The following ITGBL1 variants were observed in gnomAD, a reference collection of about 807,000 sequenced individuals.
The protein encoded by ITGBL1 is integrin subunit beta like 1.
Under a neutral mutation model 68.5 loss-of-function variants are expected in ITGBL1, and 51 were observed. The observed-to-expected ratio is 0.74, with a 90% CI of 0.59 to 0.94. The LOEUF (loss-of-function observed/expected upper bound fraction) is 0.94, where lower values mean the gene tolerates loss of function less well. ITGBL1 is among the 40% of genes least tolerant of loss of function. The pLI is 0.00. For missense variants in ITGBL1, 649 were observed against 647.4 expected (o/e 1.00, Z -0.03); for synonymous variants, 209 against 227.3 (o/e 0.92, Z 0.72).
At chr13:101,647,790 A>G (rs16959232) in intron 7 of ITGBL1, among the ~76,000 whole-genome samples, 5,345 of 152,282 alleles carry the variant, frequency 0.035, 221 homozygotes, top group African/African-American at 0.096. Context: ...GAGGTGCGAA[A>G]AAGGGAGCCA....
At chr13:101,686,715 C>T (rs945706080) in intron 7 of ITGBL1, among the ~76,000 whole-genome samples, 6 of 140,038 alleles carry the variant, frequency 4.3e-5, no homozygotes, top group South Asian at 2.3e-4. Flanking sequence ...TACTAGTGGG[C>T]GAGGGTGCTG....
chr13:101,630,460 T>C (rs756502774), intron 7 of ITGBL1, among the ~76,000 whole-genome samples: 10 of 152,144 alleles, frequency 6.6e-5, no homozygotes, highest in South Asian at 2.1e-4. Flanking sequence ...AATCTCTTAA[T>C]TGATCTACCC....
chr13:101,671,437 G>GTTTTGT (rs2033364039), intron 7 of ITGBL1, among the ~76,000 whole-genome samples: 1 of 102,800 alleles, frequency 9.7e-6, no homozygotes, highest in East Asian at 4.0e-4. Flanking sequence ...TTTTTTTTTT[G>GTTTTGT]TTTTTTTTTG....
chr13:101,635,486 A>G (rs995868241), intron 7 of ITGBL1, among the ~76,000 whole-genome samples: 3 of 152,072 alleles, frequency 2.0e-5, no homozygotes, highest in Non-Finnish European at 2.9e-5. Flanking sequence ...TAGTTGTGTG[A>G]GGTTTAAAAA....
chr13:101,672,644 A>C (rs1291623616), intron 7 of ITGBL1, among the ~76,000 whole-genome samples: 1 of 152,178 alleles, frequency 6.6e-6, no homozygotes, highest in Non-Finnish European at 1.5e-5. Context: ...CATAAATCAG[A>C]CAGTGCCTTC....
intron 7 of ITGBL1, among the ~76,000 whole-genome samples, chr13:101,614,651 T>G (rs906762296): frequency 9.2e-5 from 14 of 152,102 alleles, no homozygotes; most frequent in Admixed American, 5.9e-4. Context: ...GGTTTTTGTT[T>G]GGGCTTTCGC....
chr13:101,599,690 G>A (rs891230068), intron 7 of ITGBL1, among the ~76,000 whole-genome samples: 1 of 152,268 alleles, frequency 6.6e-6, no homozygotes, highest in Admixed American at 6.5e-5. Flanking sequence ...TTATTAAATA[G>A]GGAATCCTTT....
chr13:101,591,442 A>T (rs539090455), intron 6 of ITGBL1, among the ~76,000 whole-genome samples: 1 of 152,350 alleles, frequency 6.6e-6, no homozygotes, highest in Admixed American at 6.5e-5. Context: ...GCAGATGATC[A>T]ACAAATGAGC....
intron 7 of ITGBL1, among the ~76,000 whole-genome samples, chr13:101,623,749 TAAC>T (rs1274082392): frequency 1.3e-5 from 2 of 152,192 alleles, no homozygotes. Flanking sequence ...AGTGGACAAT[TAAC>T]AAATGACCTT....
At position 101,673,786 on chromosome 13, in the gene ITGBL1, T is replaced by C. The variant is rs558875053; in HGVS notation, c.1016-18799T>C. Reference sequence around the variant, plus strand: ...GTTTTGAGATGATAACCCTTGTCTATGAAACTGATGAAGTTGGACTTAACA... The same window carrying C: ...GTTTTGAGATGATAACCCTTGTCTACGAAACTGATGAAGTTGGACTTAACA... On this transcript the variant is annotated intron_variant, in intron 7 of 10. Coordinates refer to ENST00000376180, the MANE Select transcript of ITGBL1 (RefSeq NM_004791.3). Among the ~76,000 whole-genome samples, 3 of 152,330 alleles carry C rather than the reference T, an allele frequency of 2.0e-5. No homozygotes were observed. In the East Asian group the frequency reaches 5.8e-4, roughly 29 times the overall value.
chr13:101,655,725 G>C (rs1421323850), intron 7 of ITGBL1, among the ~76,000 whole-genome samples: 2 of 152,216 alleles, frequency 1.3e-5, no homozygotes, highest in Non-Finnish European at 2.9e-5. Context: ...CTGATGTGCT[G>C]TGTTGTAGTA....
intron 2 of ITGBL1, among the ~76,000 whole-genome samples, chr13:101,513,124 C>A (rs1594857489): frequency 1.3e-5 from 2 of 152,176 alleles, no homozygotes; most frequent in Admixed American, 1.3e-4. Flanking sequence ...ATGGCACACA[C>A]CCCTAAGGAA....
intron 6 of ITGBL1, among the ~76,000 whole-genome samples, chr13:101,590,040 C>T (rs2050624447): frequency 6.6e-6 from 1 of 152,084 alleles, no homozygotes; most frequent in Non-Finnish European, 1.5e-5. Flanking sequence ...GATAAGAAAA[C>T]AGAACGTGCC....
At chr13:101,570,349 A>G (rs1430551835) in intron 3 of ITGBL1, among the ~76,000 whole-genome samples, 1 of 152,066 alleles carries the variant, frequency 6.6e-6, no homozygotes, top group African/African-American at 2.4e-5. Flanking sequence ...ACTTGTTGGC[A>G]TAATAACATA....
In ITGBL1 at chr13:101,618,388, T is replaced by C. The variant is rs572339707; in HGVS notation, c.1015+20089T>C. Among the ~76,000 whole-genome samples, 32 of 152,312 alleles carry C rather than the reference T, an allele frequency of 2.1e-4. 1 individual carries two copies. The South Asian group carries it at 6.4e-3, about 31-fold the overall frequency. On this transcript the variant is annotated intron_variant, in intron 7 of 10. Coordinates refer to ENST00000376180, the MANE Select transcript of ITGBL1 (RefSeq NM_004791.3). Reference sequence around the variant, plus strand: ...GTCCTGAAAGAATTCTAGCTTCCTTTATTACGTTTTAAAATCCTTTGTCAT... The same window carrying C: ...GTCCTGAAAGAATTCTAGCTTCCTTCATTACGTTTTAAAATCCTTTGTCAT...
chr13:101,652,298 C>T (rs886652055), intron 7 of ITGBL1, among the ~76,000 whole-genome samples: 1 of 151,398 alleles, frequency 6.6e-6, no homozygotes, highest in Non-Finnish European at 1.5e-5. Context: ...CATGCCACCA[C>T]ACCTAGTTAA....
intron 2 of ITGBL1, among the ~76,000 whole-genome samples, chr13:101,531,204 T>C (rs1253370316): frequency 6.6e-6 from 1 of 152,190 alleles, no homozygotes; most frequent in African/African-American, 2.4e-5. Flanking sequence ...AAATTGTCAA[T>C]ATTTATGTAA....
At chr13:101,524,607 G>A (rs1456223996) in intron 2 of ITGBL1, among the ~76,000 whole-genome samples, 1 of 146,784 alleles carries the variant, frequency 6.8e-6, no homozygotes, top group Non-Finnish European at 1.5e-5. Flanking sequence ...TGTAGTATCA[G>A]GTTCTTTTTT....
At chr13:101,690,642 T>C (rs1306302024) in intron 7 of ITGBL1, among the ~76,000 whole-genome samples, 1 of 152,088 alleles carries the variant, frequency 6.6e-6, no homozygotes. Context: ...AGAGCATTTA[T>C]GCACATTGAA....
Sources: allele counts gnomAD v4.1 joint callset (sites outside exome capture counted in the v4.1 genomes callset), GRCh38; gene constraint gnomAD v4.1.1; transcripts MANE v1.5; gene names NCBI Gene and HGNC (gene_info 2026-07-23, HGNC 2026-07-21).